IFT56: variants seen among roughly 807,000 people sequenced by gnomAD.
IFT56 encodes intraflagellar transport 56.
chr7:139,168,285 T>G, the IFT56 span: 5 of 1,206,898 alleles, frequency 4.1e-6, no homozygotes, highest in African/African-American at 7.5e-5. Flanking sequence ...AAGGAGTTAA[T>G]TTGAAAATGA....
the IFT56 span, among the ~76,000 whole-genome samples, chr7:139,166,106 C>T: frequency 1.3e-5 from 2 of 152,020 alleles, no homozygotes; most frequent in Non-Finnish European, 2.9e-5. Flanking sequence ...TACAGGCATG[C>T]GCCACCATGC....
At chr7:139,189,670 C>G in the IFT56 span, 27,299 of 300,114 alleles carry the variant, frequency 0.091, 1,937 homozygotes, top group East Asian at 0.33. Flanking sequence ...TATCTGGTGC[C>G]TTTCTTCCAA....
At chr7:139,175,620 A>G in the IFT56 span, among the ~76,000 whole-genome samples, 1 of 152,128 alleles carries the variant, frequency 6.6e-6, no homozygotes, top group Non-Finnish European at 1.5e-5. Flanking sequence ...GGAGGACATT[A>G]TGTTAAGTGA....
chr7:139,143,573 G>T, the IFT56 span, among the ~76,000 whole-genome samples: 1 of 151,290 alleles, frequency 6.6e-6, no homozygotes, highest in South Asian at 2.1e-4. Flanking sequence ...TAAATTTAAG[G>T]TGACTCTTAT....
the IFT56 span, among the ~76,000 whole-genome samples, chr7:139,157,819 T>C: frequency 6.4e-4 from 98 of 152,282 alleles, no homozygotes; most frequent in East Asian, 0.017. Flanking sequence ...GTATTGGTCT[T>C]TTTATGTGTT....
chr7:139,135,301 A>AAC, the IFT56 span, among the ~76,000 whole-genome samples: 27 of 141,646 alleles, frequency 1.9e-4, no homozygotes, highest in African/African-American at 7.6e-4. Flanking sequence ...AAAAAAAACA[A>AAC]AACAAAACTT....
At chr7:139,178,744 G>A in the IFT56 span, 1 of 704,968 alleles carries the variant, frequency 1.4e-6, no homozygotes, top group African/African-American at 1.8e-5. Flanking sequence ...CTGTGGAGAA[G>A]GTGCAGTGAC....
At chr7:139,180,664 G>A in the IFT56 span, among the ~76,000 whole-genome samples, 7 of 148,974 alleles carry the variant, frequency 4.7e-5, no homozygotes, top group Admixed American at 1.3e-4. Context: ...AGCCAAGATC[G>A]CACCACTGCA....
the IFT56 span, among the ~76,000 whole-genome samples, chr7:139,155,815 T>A: frequency 6.6e-6 from 1 of 152,154 alleles, no homozygotes; most frequent in Non-Finnish European, 1.5e-5. Flanking sequence ...TTCCGTCTTC[T>A]GTGTTTTGAA....
At chr7:139,175,250 ATG>A in the IFT56 span, among the ~76,000 whole-genome samples, 1 of 152,154 alleles carries the variant, frequency 6.6e-6, no homozygotes, top group Non-Finnish European at 1.5e-5. Flanking sequence ...CCTACTATGT[ATG>A]TGTGCTAATT....
At chr7:139,159,379 C>G in the IFT56 span, among the ~76,000 whole-genome samples, 2 of 152,116 alleles carry the variant, frequency 1.3e-5, no homozygotes, top group East Asian at 3.9e-4. Context: ...TTAGTCTTTT[C>G]AAAAACCAAC....
the IFT56 span, chr7:139,189,516 G>A: frequency 1.0e-6 from 1 of 955,098 alleles, no homozygotes; most frequent in African/African-American, 1.6e-5. Flanking sequence ...CTGTGATACA[G>A]GGCTCTGTTT....
the IFT56 span, chr7:139,133,972 C>T: frequency 7.7e-7 from 1 of 1,305,356 alleles, no homozygotes; most frequent in South Asian, 1.2e-5. Context: ...GAGAGTAATC[C>T]CCAGCTCTCC....
chr7:139,183,822 AT>A, the IFT56 span, among the ~76,000 whole-genome samples: 1 of 152,224 alleles, frequency 6.6e-6, no homozygotes, highest in South Asian at 2.1e-4. Context: ...AATAACACAA[AT>A]TTTAATATTT....
chr7:139,179,560 T>C, the IFT56 span: 46 of 1,612,466 alleles, frequency 2.9e-5, no homozygotes, highest in Admixed American at 2.8e-4. Context: ...TCCCTTTCTT[T>C]CCTCTTCTTG....
the IFT56 span, among the ~76,000 whole-genome samples, chr7:139,182,217 A>G: frequency 6.6e-6 from 1 of 152,124 alleles, no homozygotes; most frequent in African/African-American, 2.4e-5. Context: ...TATTTTTGGA[A>G]TATCTCTTCC....
the IFT56 span, chr7:139,172,472 G>C: frequency 2.5e-6 from 1 of 403,620 alleles, no homozygotes; most frequent in African/African-American, 2.1e-5. Flanking sequence ...CCAGAGCGCT[G>C]AGCTAGATAG....
the IFT56 span, among the ~76,000 whole-genome samples, chr7:139,185,008 C>T: frequency 2.7e-5 from 4 of 149,920 alleles, no homozygotes; most frequent in African/African-American, 7.5e-5. Context: ...GAGCCGAGAT[C>T]GCGCCACTGC....
the IFT56 span, among the ~76,000 whole-genome samples, chr7:139,154,022 C>T: frequency 2.0e-5 from 3 of 152,262 alleles, no homozygotes; most frequent in South Asian, 4.1e-4. Context: ...CTTTTTGACT[C>T]TAGCCATTCT....
Sources: allele counts gnomAD v4.1 joint callset (sites outside exome capture counted in the v4.1 genomes callset), GRCh38; gene constraint gnomAD v4.1.1; transcripts MANE v1.5; gene names NCBI Gene and HGNC (gene_info 2026-07-23, HGNC 2026-07-21).